The following RS1 variants were observed in gnomAD, a reference collection of about 807,000 sequenced individuals.
The protein encoded by RS1 is retinoschisin.
Under a neutral mutation model 20.8 loss-of-function variants are expected in RS1, and 2 were observed. The observed-to-expected ratio is 0.10, with a 90% CI of 0.04 to 0.30. The LOEUF (loss-of-function observed/expected upper bound fraction) is 0.30, where lower values mean the gene tolerates loss of function less well. Ranked by LOEUF, RS1 falls within the 10% of genes least tolerant of loss-of-function variation. The pLI is 1.00. For missense variants in RS1, 151 were observed against 189.8 expected (o/e 0.80, Z 1.20); for synonymous variants, 70 against 75.8 (o/e 0.92, Z 0.40).
intron 3 of RS1, among the ~76,000 whole-genome samples, chrX:18,648,770 A>G (rs1927900455): frequency 9.0e-6 from 1 of 111,505 alleles, no homozygotes; most frequent in Non-Finnish European, 1.9e-5. Flanking sequence ...GACAGTAACC[A>G]TCTTGCACCA....
intron 3 of RS1, among the ~76,000 whole-genome samples, chrX:18,655,374 A>G (rs1004524942): frequency 8.9e-6 from 1 of 112,167 alleles, no homozygotes; most frequent in Non-Finnish European, 1.9e-5. Context: ...AGACAAGAGC[A>G]GAATGGACTA....
chrX:18,651,133 G>A (rs1441255561), intron 3 of RS1, among the ~76,000 whole-genome samples: 1 of 12,144 alleles, frequency 8.2e-5, no homozygotes, highest in Non-Finnish European at 1.7e-4. Flanking sequence ...CCCCACCACC[G>A]CACCCCCCGC....
At chrX:18,658,839 C>T (rs1412116449) in intron 1 of RS1, among the ~76,000 whole-genome samples, 1 of 110,661 alleles carries the variant, frequency 9.0e-6, no homozygotes, top group Non-Finnish European at 1.9e-5. Context: ...GCCCAATGTG[C>T]TATTCAGGAG....
rs756802027 is a variant in RS1 at position 18,663,759 on chromosome X, C to T, written c.53-6094G>A. On this transcript the variant is annotated intron_variant, in intron 1 of 5. Coordinates refer to ENST00000379984, the MANE Select transcript of RS1 (RefSeq NM_000330.4). ...CCTTTAGCTTCCACCACTCTAGGTA[C>T]ACCTTCTCAGTCTCCTTTGAGAGCT... Among the ~76,000 whole-genome samples the T allele has an allele frequency of 5.4e-5, 6 of 111,917 alleles. No individual in the cohort carries two copies. In the East Asian group the frequency reaches 1.7e-3, roughly 31 times the overall value.
At chrX:18,650,842 T>C (rs1225931155) in intron 3 of RS1, among the ~76,000 whole-genome samples, 7 of 112,295 alleles carry the variant, frequency 6.2e-5, no homozygotes, top group Admixed American at 9.4e-5. Context: ...TTAACCTCTC[T>C]GGGTCTCAGT....
chrX:18,670,352 C>T (rs1266407356), intron 1 of RS1, among the ~76,000 whole-genome samples: 4 of 108,815 alleles, frequency 3.7e-5, no homozygotes, highest in Admixed American at 9.9e-5. Flanking sequence ...CAGCCTCCCC[C>T]GAGTAGCTGG....
intron 5 of RS1, 124 bp from the exon 6 acceptor site, chrX:18,642,280 G>A: frequency 1.3e-6 from 1 of 749,418 alleles, no homozygotes; most frequent in Non-Finnish European, 2.0e-6. Flanking sequence ...AAAGCAGTTT[G>A]CGGGTGCCCC....
chrX:18,665,470 C>T (rs1452324804), intron 1 of RS1, among the ~76,000 whole-genome samples: 2 of 111,559 alleles, frequency 1.8e-5, no homozygotes, highest in Non-Finnish European at 3.8e-5. Context: ...CTCGCCAAGC[C>T]ACAAATGTGC....
intron 3 of RS1, among the ~76,000 whole-genome samples, chrX:18,651,264 T>TGTGTGTGAGA (rs1491242962): frequency 2.3e-4 from 16 of 69,012 alleles, no homozygotes; most frequent in African/African-American, 9.4e-4. Flanking sequence ...TGTGTGTGTG[T>TGTGTGTGAGA]GAGAGAGAGA....
chrX:18,657,760 A>G, intron 1 of RS1, 95 bp from the exon 2 acceptor site: 2 of 733,430 alleles, frequency 2.7e-6, no homozygotes, highest in Non-Finnish European at 4.3e-6. Flanking sequence ...AGAAATAGTC[A>G]CATGAAAGCT....
At chrX:18,650,922 A>T (rs1432238328) in intron 3 of RS1, among the ~76,000 whole-genome samples, 3 of 112,146 alleles carry the variant, frequency 2.7e-5, no homozygotes, top group Admixed American at 9.4e-5. Flanking sequence ...ATTGAGTGAA[A>T]CTATTTGGAG....
At chrX:18,645,139 C>T (rs1927725316) in intron 4 of RS1, among the ~76,000 whole-genome samples, 1 of 112,611 alleles carries the variant, frequency 8.9e-6, no homozygotes, top group African/African-American at 3.2e-5. Flanking sequence ...ACCGTTGAAG[C>T]AACTAAGTTG....
intron 1 of RS1, among the ~76,000 whole-genome samples, chrX:18,658,501 G>C (rs781558063): frequency 9.1e-6 from 1 of 109,692 alleles, no homozygotes; most frequent in South Asian, 4.0e-4. Context: ...TGTTGCCCAG[G>C]CTGGAGTACA....
intron 1 of RS1, among the ~76,000 whole-genome samples, chrX:18,663,260 ACT>A (rs1273816837): frequency 9.7e-6 from 1 of 102,876 alleles, no homozygotes; most frequent in Non-Finnish European, 2.0e-5. Flanking sequence ...CTGGTCTGGA[ACT>A]CTCGACCTCA....
chrX:18,654,149 CTTT>C (rs1186729210), intron 3 of RS1, among the ~76,000 whole-genome samples: 8 of 92,540 alleles, frequency 8.6e-5, no homozygotes, highest in Admixed American at 1.2e-4. Flanking sequence ...TTCTCTCTCT[CTTT>C]TTTTTTTTTT....
chrX:18,663,960 G>A lies in RS1; in HGVS notation c.53-6295C>T, dbSNP rs1321416023. ...GAACTGTGTCATATGTTGCTGGTGG[G>A]GGTGCAAGGTGGTCTAACCTCTTTG... On this transcript the variant is annotated intron_variant, in intron 1 of 5. Coordinates refer to ENST00000379984, the MANE Select transcript of RS1 (RefSeq NM_000330.4). Among the ~76,000 whole-genome samples, 5 of 111,709 alleles carry A rather than the reference G, an allele frequency of 4.5e-5. No individual in the cohort carries two copies. In the Admixed American group the frequency reaches 4.8e-4, roughly 11 times the overall value.
At chrX:18,664,777 C>T (rs1249509102) in intron 1 of RS1, among the ~76,000 whole-genome samples, 1 of 111,243 alleles carries the variant, frequency 9.0e-6, no homozygotes, top group East Asian at 2.8e-4. Flanking sequence ...TGCAGTGGTG[C>T]TATCTCACCT....
In RS1 at chrX:18,652,192, AAC is replaced by A. The variant is rs1928077261; in HGVS notation, c.184+4459_184+4460del. Among the ~76,000 whole-genome samples the A allele has an allele frequency of 2.7e-5, 3 of 111,455 alleles. No individual in the cohort carries two copies. The South Asian group carries it at 1.1e-3, about 42-fold the overall frequency. Reference sequence around the variant, plus strand: ...GGACAGATGGATGGAGAGATGAATGAACACACACCATCGCCCCATCTTGGGTG... The same window carrying A: ...GGACAGATGGATGGAGAGATGAATGAACACACCATCGCCCCATCTTGGGTG... On this transcript the variant is annotated intron_variant, in intron 3 of 5. Coordinates refer to ENST00000379984, the MANE Select transcript of RS1 (RefSeq NM_000330.4).
At chrX:18,655,517 C>T (rs769541276) in intron 3 of RS1, among the ~76,000 whole-genome samples, 6 of 111,875 alleles carry the variant, frequency 5.4e-5, no homozygotes, top group African/African-American at 1.9e-4. Context: ...TTCAGAGGCT[C>T]CACAAAACAC....
Sources: allele counts gnomAD v4.1 joint callset (sites outside exome capture counted in the v4.1 genomes callset), GRCh38; gene constraint gnomAD v4.1.1; transcripts MANE v1.5; gene names NCBI Gene and HGNC (gene_info 2026-07-23, HGNC 2026-07-21).